Variants in SGCD observed in about 807,000 individuals in gnomAD.
SGCD encodes sarcoglycan delta.
In SGCD, 18 loss-of-function variants were observed where a neutral mutation model predicts 36.6. The observed-to-expected ratio is 0.49, with a 90% confidence interval of 0.34 to 0.73. The LOEUF is 0.73. SGCD is among the 30% of genes least tolerant of loss of function. The pLI, the probability that SGCD is intolerant of heterozygous loss-of-function variation, is 0.01. For synonymous variants in SGCD, 133 were observed against 130.6 expected (o/e 1.02, Z -0.12); for missense variants, 387 against 346.7 (o/e 1.12, Z -0.92).
the SGCD span, among the ~76,000 whole-genome samples, chr5:155,800,059 T>C: frequency 6.6e-6 from 1 of 152,212 alleles, no homozygotes; most frequent in Non-Finnish European, 1.5e-5. Flanking sequence ...CCTCACGTGA[T>C]ACACCTGCCT....
Position 156,603,986 on chromosome 5 carries a change from G to A in SGCD, c.502+8935G>A, listed in dbSNP as rs1355951875. Among the ~76,000 whole-genome samples the A allele has an allele frequency of 4.6e-5, 7 of 151,982 alleles. No homozygotes were observed. In the East Asian group the frequency reaches 7.7e-4, roughly 17 times the overall value. On this transcript the variant is annotated intron_variant, in intron 6 of 8. Coordinates refer to ENST00000337851, the MANE Select transcript of SGCD (RefSeq NM_000337.6). ...ATAAGTGATCTTTCCATTGTTGAAA[G>A]TGAGGTGCTGAAGTCTTCTACTATT...
At chr5:156,068,153 G>A (rs1760393321) in intron 1 of SGCD, among the ~76,000 whole-genome samples, 1 of 148,608 alleles carries the variant, frequency 6.7e-6, no homozygotes, top group Non-Finnish European at 1.5e-5. Context: ...TTAAGTTTTA[G>A]GGTACATGTG....
intron 1 of SGCD, among the ~76,000 whole-genome samples, chr5:156,029,697 A>T (rs1479770288): frequency 6.6e-6 from 1 of 152,238 alleles, no homozygotes; most frequent in Non-Finnish European, 1.5e-5. Flanking sequence ...ACTAACAAAA[A>T]GAACAAGTGA....
At chr5:156,138,550 C>T (rs185509590) in intron 3 of SGCD, among the ~76,000 whole-genome samples, 1 of 152,356 alleles carries the variant, frequency 6.6e-6, no homozygotes, top group Admixed American at 6.5e-5. Flanking sequence ...TTACTTCTCA[C>T]CAGCATCATT....
the SGCD span, among the ~76,000 whole-genome samples, chr5:155,744,859 G>A: frequency 6.6e-6 from 1 of 152,176 alleles, no homozygotes; most frequent in African/African-American, 2.4e-5. Flanking sequence ...TAAAACCGAT[G>A]AATGATGTTA....
intron 3 of SGCD, among the ~76,000 whole-genome samples, chr5:156,411,032 A>G (rs1772720475): frequency 6.6e-6 from 1 of 152,230 alleles, no homozygotes. Flanking sequence ...TTAGCAAATT[A>G]TGCTACAGTC....
intron 1 of SGCD, among the ~76,000 whole-genome samples, chr5:155,946,466 T>A (rs1425371452): frequency 6.6e-6 from 1 of 152,042 alleles, no homozygotes; most frequent in Non-Finnish European, 1.5e-5. Context: ...GTTTGCCAAG[T>A]GGTTATATGG....
chr5:156,719,659 A>T (rs1755395293), intron 7 of SGCD, among the ~76,000 whole-genome samples: 1 of 152,032 alleles, frequency 6.6e-6, no homozygotes. Flanking sequence ...GAAACTTAGG[A>T]AACAGCCAGG....
At chr5:156,756,258 T>C (rs936648789) in intron 7 of SGCD, among the ~76,000 whole-genome samples, 5 of 152,190 alleles carry the variant, frequency 3.3e-5, no homozygotes, top group African/African-American at 1.2e-4. Flanking sequence ...GTAATAGTAT[T>C]AAAATCAATT....
At chr5:156,647,606 C>A in intron 7 of SGCD, 70 bp downstream of exon 7, 1 of 976,744 alleles carries the variant, frequency 1.0e-6, no homozygotes, top group Non-Finnish European at 1.6e-6. Context: ...GCCAGTGATT[C>A]ATTCTGAATA....
At chr5:156,512,506 C>G (rs2127881823) in intron 4 of SGCD, among the ~76,000 whole-genome samples, 2 of 152,276 alleles carry the variant, frequency 1.3e-5, no homozygotes, top group South Asian at 4.1e-4. Context: ...TAAGGACACT[C>G]TATGATGTTC....
chr5:156,600,481 C>T (rs1371791370), intron 6 of SGCD, among the ~76,000 whole-genome samples: 1 of 152,018 alleles, frequency 6.6e-6, no homozygotes, highest in Non-Finnish European at 1.5e-5. Flanking sequence ...CCATTTTGTC[C>T]CAAATGACAG....
intron 4 of SGCD, among the ~76,000 whole-genome samples, chr5:156,576,449 A>C (rs187138945): frequency 3.3e-5 from 5 of 152,254 alleles, no homozygotes; most frequent in Admixed American, 2.6e-4. Context: ...CAGTAATAAG[A>C]TCACTGAGTC....
At chr5:156,644,719 C>T (rs1350265750) in intron 6 of SGCD, among the ~76,000 whole-genome samples, 1 of 152,076 alleles carries the variant, frequency 6.6e-6, no homozygotes, top group Non-Finnish European at 1.5e-5. Context: ...TGATGCTTAT[C>T]CCTCATTTAA....
intron 8 of SGCD, 162 bp downstream of exon 8, chr5:156,757,866 C>T: frequency 7.6e-7 from 1 of 1,309,326 alleles, no homozygotes; most frequent in East Asian, 2.9e-5. Flanking sequence ...GATTATAAGC[C>T]AAACCCACAA....
chr5:155,886,271 T>G (rs1280398226), intron 1 of SGCD, among the ~76,000 whole-genome samples: 2 of 152,090 alleles, frequency 1.3e-5, no homozygotes, highest in Non-Finnish European at 2.9e-5. Context: ...GGAATGAGGA[T>G]GTGGAGCTCC....
At chr5:156,215,702 T>G (rs1204904957) in intron 3 of SGCD, among the ~76,000 whole-genome samples, 2 of 152,070 alleles carry the variant, frequency 1.3e-5, no homozygotes, top group Non-Finnish European at 2.9e-5. Context: ...AAAGTGAGGA[T>G]GTAGAGAGGG....
At chr5:156,564,304 G>A (rs1015910693) in intron 4 of SGCD, among the ~76,000 whole-genome samples, 6 of 151,982 alleles carry the variant, frequency 3.9e-5, no homozygotes, top group Admixed American at 3.9e-4. Context: ...AAAAAAATTA[G>A]CCGGGCTTGG....
At chr5:155,984,526 A>C (rs1758290957) in intron 1 of SGCD, among the ~76,000 whole-genome samples, 1 of 152,186 alleles carries the variant, frequency 6.6e-6, no homozygotes, top group South Asian at 2.1e-4. Context: ...GCATGTTTTT[A>C]TTTCTTTTAT....
Sources: gnomAD v4.1 joint callset for allele counts (sites outside exome capture counted in the v4.1 genomes callset) on GRCh38, gnomAD v4.1.1 for gene constraint, MANE v1.5 for transcripts, NCBI Gene and HGNC (gene_info 2026-07-23, HGNC 2026-07-21) for gene names.